PTPRT: variants seen among roughly 807,000 people sequenced by gnomAD.
PTPRT encodes the protein receptor-type tyrosine-protein phosphatase T.
A neutral mutation model predicts 176.8 loss-of-function variants in PTPRT; 56 were observed. The ratio of observed to expected loss-of-function variants is 0.32; its 90% CI spans 0.26 to 0.40. PTPRT has a LOEUF of 0.40. Ranked by LOEUF, PTPRT falls within the 10% of genes least tolerant of loss-of-function variation. The pLI is 1.00. For missense variants in PTPRT, 1,540 were observed against 1,908.2 expected (o/e 0.81, Z 3.60); for synonymous variants, 783 against 739.0 (o/e 1.06, Z -0.96).
At chr20:42,102,398 C>A in intron 25 of PTPRT, 101 bp from the exon 26 acceptor site, 1 of 1,287,862 alleles carries the variant, frequency 7.8e-7, no homozygotes, top group Non-Finnish European at 1.1e-6. Flanking sequence ...CCTATTTCCA[C>A]CCTCTAAGCG....
chr20:42,868,445 T>G (rs770324321), intron 2 of PTPRT, among the ~76,000 whole-genome samples: 30 of 152,184 alleles, frequency 2.0e-4, no homozygotes, highest in Non-Finnish European at 2.4e-4. Flanking sequence ...AACTAGGATA[T>G]CTGGTGAAAG....
At chr20:43,019,212 A>G (rs1985527810) in intron 1 of PTPRT, among the ~76,000 whole-genome samples, 1 of 152,200 alleles carries the variant, frequency 6.6e-6, no homozygotes, top group African/African-American at 2.4e-5. Flanking sequence ...TGACTGGATT[A>G]AGGGATACTC....
At chr20:43,153,278 A>C (rs2014419061) in intron 1 of PTPRT, among the ~76,000 whole-genome samples, 1 of 152,250 alleles carries the variant, frequency 6.6e-6, no homozygotes, top group Non-Finnish European at 1.5e-5. Flanking sequence ...TAATATATCC[A>C]TAGGAAAAAG....
chr20:42,106,990 A>C, intron 23 of PTPRT, 69 bp from the exon 24 acceptor site: 1 of 1,563,608 alleles, frequency 6.4e-7, no homozygotes, highest in African/African-American at 1.3e-5. Flanking sequence ...GGCCCCTAGC[A>C]TTCAGCCCTA....
chr20:42,701,982 T>C (rs1175982069), intron 6 of PTPRT, among the ~76,000 whole-genome samples: 1 of 152,084 alleles, frequency 6.6e-6, no homozygotes, highest in African/African-American at 2.4e-5. Context: ...GGTAAGAGTG[T>C]GTGCAGCCCC....
At chr20:42,174,759 C>A (rs564650808) in intron 16 of PTPRT, among the ~76,000 whole-genome samples, 3 of 152,272 alleles carry the variant, frequency 2.0e-5, no homozygotes, top group Admixed American at 2.0e-4. Flanking sequence ...ATGAATAGGG[C>A]TGAGTGAGAA....
intron 7 of PTPRT, among the ~76,000 whole-genome samples, chr20:42,553,361 C>T (rs55848860): frequency 0.034 from 5,115 of 152,056 alleles, 103 homozygotes; most frequent in Middle Eastern, 0.054. Flanking sequence ...CACTCTCTCT[C>T]ATTTTTACCT....
At chr20:42,439,467 T>C (rs779652648) in intron 9 of PTPRT, among the ~76,000 whole-genome samples, 7 of 152,054 alleles carry the variant, frequency 4.6e-5, no homozygotes, top group Non-Finnish European at 7.4e-5. Flanking sequence ...TTAGCAACCT[T>C]GAGGGAAAAA....
At chr20:42,987,364 T>A (rs767513126) in intron 1 of PTPRT, among the ~76,000 whole-genome samples, 5 of 152,188 alleles carry the variant, frequency 3.3e-5, no homozygotes, top group Non-Finnish European at 5.9e-5. Flanking sequence ...AAGTGCACAA[T>A]AGCCACCAAT....
intron 2 of PTPRT, among the ~76,000 whole-genome samples, chr20:42,846,343 G>A (rs1318147885): frequency 1.4e-5 from 2 of 146,950 alleles, no homozygotes; most frequent in Non-Finnish European, 3.0e-5. Context: ...CCTCTGAGGA[G>A]AGCTCAGCAA....
At chr20:42,382,753 T>C (rs918048035) in intron 9 of PTPRT, among the ~76,000 whole-genome samples, 4 of 152,128 alleles carry the variant, frequency 2.6e-5, no homozygotes, top group Non-Finnish European at 5.9e-5. Flanking sequence ...TGGAGAACCC[T>C]ATAGGACGGT....
downstream of PTPRT, among the ~76,000 whole-genome samples, chr20:42,068,993 G>A (rs539193852): frequency 6.6e-6 from 1 of 152,200 alleles, no homozygotes. Context: ...TTCTGGCTCA[G>A]CTGGCTCTTA....
intron 13 of PTPRT, 106 bp downstream of exon 13, chr20:42,282,382 CT>C: frequency 8.6e-7 from 1 of 1,166,152 alleles, no homozygotes; most frequent in Non-Finnish European, 1.2e-6. Flanking sequence ...AATAACAATT[CT>C]TTCTTGTTTT....
chr20:42,310,730 A>T (rs192625279), intron 12 of PTPRT, among the ~76,000 whole-genome samples: 36 of 152,190 alleles, frequency 2.4e-4, no homozygotes, highest in Non-Finnish European at 1.0e-4. Context: ...AAATGGTTAC[A>T]ACATGGTCTA....
At chr20:42,898,783 A>G (rs2079348215) in intron 1 of PTPRT, among the ~76,000 whole-genome samples, 1 of 152,110 alleles carries the variant, frequency 6.6e-6, no homozygotes, top group Admixed American at 6.5e-5. Context: ...TGTGAGATGC[A>G]CTGTGACCAA....
chr20:42,711,109 G>A lies in PTPRT; in HGVS notation c.860-32950C>T, dbSNP rs1432058562. Among the ~76,000 whole-genome samples the A allele has an allele frequency of 5.9e-5, 9 of 152,162 alleles. 1 individual carries two copies. Among genetic ancestry groups the A allele is most frequent in the Admixed American group, 5.2e-4 (8 of 15,276 alleles). On this transcript the variant is annotated intron_variant, in intron 6 of 30. Transcript: ENST00000373187. ...AAATAAATAACTTGTTTTTGGTATT[G>A]TAGGCTCATGGATGGAAGGAACTTG...
chr20:42,841,962 C>T (rs551473986), intron 2 of PTPRT, among the ~76,000 whole-genome samples: 3 of 152,338 alleles, frequency 2.0e-5, no homozygotes, highest in African/African-American at 7.2e-5. Context: ...CTGCTCCCCA[C>T]TTCATCATCA....
At chr20:42,313,016 G>A (rs555328768) in intron 12 of PTPRT, among the ~76,000 whole-genome samples, 34 of 151,930 alleles carry the variant, frequency 2.2e-4, no homozygotes, top group Admixed American at 3.9e-4. Flanking sequence ...ATAGGAAGTC[G>A]GTACAAGATA....
At chr20:42,326,457 TG>T (rs1377563147) in intron 11 of PTPRT, among the ~76,000 whole-genome samples, 1 of 152,198 alleles carries the variant, frequency 6.6e-6, no homozygotes, top group Non-Finnish European at 1.5e-5. Context: ...ACTGAAAGAC[TG>T]TTAAAATTAA....
Sources: allele counts gnomAD v4.1 joint callset (sites outside exome capture counted in the v4.1 genomes callset), GRCh38; gene constraint gnomAD v4.1.1; transcripts MANE v1.5; gene names NCBI Gene and HGNC (gene_info 2026-07-23, HGNC 2026-07-21).